Variants in HS3ST5 observed in about 807,000 individuals in gnomAD.
HS3ST5 encodes the protein heparan sulfate glucosamine 3-O-sulfotransferase 5.
Under a neutral mutation model 25.4 loss-of-function variants are expected in HS3ST5, and 10 were observed. That is an observed-to-expected ratio of 0.39 (90% CI 0.24 to 0.67). The LOEUF (loss-of-function observed/expected upper bound fraction) is 0.67, where lower values mean the gene tolerates loss of function less well. Among genes scored for constraint, HS3ST5 ranks in the 30% least tolerant of loss-of-function variants. The pLI, the probability that HS3ST5 is intolerant of heterozygous loss-of-function variation, is 0.44. For synonymous variants in HS3ST5, 170 were observed against 162.4 expected, an observed-to-expected ratio of 1.05 and a Z score of -0.36; for missense variants, 324 against 420.7, an observed-to-expected ratio of 0.77 and a Z score of 2.01.
chr6:114,249,698 A>T (rs1267907541), intron 1 of HS3ST5, among the ~76,000 whole-genome samples: 1 of 152,210 alleles, frequency 6.6e-6, no homozygotes, highest in Non-Finnish European at 1.5e-5. Flanking sequence ...CATTTGGGAC[A>T]GCTCTGGGGA....
At chr6:114,294,950 C>T (rs1458667920) in intron 1 of HS3ST5, among the ~76,000 whole-genome samples, 1 of 152,092 alleles carries the variant, frequency 6.6e-6, no homozygotes, top group Non-Finnish European at 1.5e-5. Flanking sequence ...GATTACAGTT[C>T]TCTTATTGAA....
chr6:114,327,140 G>T (rs1776205319), intron 1 of HS3ST5, among the ~76,000 whole-genome samples: 1 of 152,130 alleles, frequency 6.6e-6, no homozygotes, highest in Non-Finnish European at 1.5e-5. Flanking sequence ...TGCAAACAAT[G>T]ATGACACATT....
At chr6:114,147,452 A>G (rs78727523) in intron 3 of HS3ST5, among the ~76,000 whole-genome samples, 1 of 152,196 alleles carries the variant, frequency 6.6e-6, no homozygotes, top group African/African-American at 2.4e-5. Flanking sequence ...CCTCACTTCA[A>G]CCATGAAGAT....
At chr6:114,148,485 G>C (rs984372179) in intron 3 of HS3ST5, among the ~76,000 whole-genome samples, 3 of 152,134 alleles carry the variant, frequency 2.0e-5, no homozygotes, top group African/African-American at 7.2e-5. Flanking sequence ...ACTGGGTGTG[G>C]TGGCGGACAC....
chr6:114,307,808 T>G (rs1477049587), intron 1 of HS3ST5, among the ~76,000 whole-genome samples: 1 of 152,154 alleles, frequency 6.6e-6, no homozygotes, highest in East Asian at 1.9e-4. Flanking sequence ...GAATTAAAAT[T>G]TCTTATCAAT....
intron 1 of HS3ST5, among the ~76,000 whole-genome samples, chr6:114,264,477 C>A (rs889038340): frequency 1.3e-5 from 2 of 152,136 alleles, no homozygotes; most frequent in African/African-American, 2.4e-5. Flanking sequence ...TATTATATTT[C>A]ATCTTCATCT....
At chr6:114,206,101 C>T (rs186175827) in intron 2 of HS3ST5, among the ~76,000 whole-genome samples, 248 of 152,248 alleles carry the variant, frequency 1.6e-3, no homozygotes, top group African/African-American at 5.6e-3. Context: ...AATTAACAGA[C>T]GAAAAGACAC....
intron 2 of HS3ST5, among the ~76,000 whole-genome samples, chr6:114,198,807 TA>T (rs201514912): frequency 3.9e-5 from 6 of 151,914 alleles, no homozygotes; most frequent in African/African-American, 9.7e-5. Context: ...GTTTTTTTTT[TA>T]ATAAATGCAT....
At chr6:114,307,597 A>T (rs1223620081) in intron 1 of HS3ST5, among the ~76,000 whole-genome samples, 1 of 152,146 alleles carries the variant, frequency 6.6e-6, no homozygotes, top group East Asian at 1.9e-4. Context: ...GTAATGCATA[A>T]CATACGCAAT....
At chr6:114,092,207 T>C (rs1040852267) in intron 3 of HS3ST5, among the ~76,000 whole-genome samples, 1 of 152,230 alleles carries the variant, frequency 6.6e-6, no homozygotes, top group Non-Finnish European at 1.5e-5. Flanking sequence ...GCCCTTACTT[T>C]AGTGACATAA....
At chr6:114,319,101 TTTTA>T (rs1408948448) in intron 1 of HS3ST5, among the ~76,000 whole-genome samples, 12 of 152,126 alleles carry the variant, frequency 7.9e-5, no homozygotes, top group African/African-American at 2.4e-4. Context: ...TGCATCCAAT[TTTTA>T]TTTATGTGGT....
chr6:114,138,627 C>A (rs1777753752), intron 3 of HS3ST5, among the ~76,000 whole-genome samples: 2 of 152,140 alleles, frequency 1.3e-5, no homozygotes, highest in African/African-American at 4.8e-5. Flanking sequence ...GTCCTTTGTA[C>A]CGGACCCATC....
chr6:114,161,521 TTATATATA>T (rs59921019), intron 3 of HS3ST5, among the ~76,000 whole-genome samples: 361 of 33,484 alleles, frequency 0.011, 1 homozygote, highest in Middle Eastern at 0.02. Flanking sequence ...TCCTGAAGTT[TTATATATA>T]TATATATATA....
At chr6:114,318,121 C>T (rs769703386) in intron 1 of HS3ST5, among the ~76,000 whole-genome samples, 7 of 152,120 alleles carry the variant, frequency 4.6e-5, no homozygotes, top group Non-Finnish European at 8.8e-5. Context: ...TTAATCTCCA[C>T]CATTTAACAC....
At chr6:114,138,693 C>T (rs919053407) in intron 3 of HS3ST5, among the ~76,000 whole-genome samples, 3 of 152,312 alleles carry the variant, frequency 2.0e-5, no homozygotes, top group Non-Finnish European at 4.4e-5. Context: ...AACATTTCTT[C>T]AAGCTCCTGC....
intron 1 of HS3ST5, among the ~76,000 whole-genome samples, chr6:114,306,255 A>ATATATATG (rs746045586): frequency 0.13 from 16,122 of 123,560 alleles, 1,182 homozygotes; most frequent in Non-Finnish European, 0.18. Flanking sequence ...ATATATATAT[A>ATATATATG]TACACACACA....
At chr6:114,129,740 G>A (rs573622907) in intron 3 of HS3ST5, among the ~76,000 whole-genome samples, 3 of 152,306 alleles carry the variant, frequency 2.0e-5, no homozygotes, top group South Asian at 2.1e-4. Flanking sequence ...AATTGCAATC[G>A]TGCAAAGATA....
intron 1 of HS3ST5, among the ~76,000 whole-genome samples, chr6:114,312,095 A>C (rs1243973770): frequency 6.6e-6 from 1 of 152,192 alleles, no homozygotes; most frequent in African/African-American, 2.4e-5. Flanking sequence ...GGCAAAACTA[A>C]TACATATATT....
intron 3 of HS3ST5, chr6:114,143,543 T>C (rs1271632250): frequency 6.6e-6 from 1 of 152,188 alleles, no homozygotes; most frequent in East Asian, 1.9e-4. Context: ...TAGAGTCACT[T>C]GTGTCAAACC....
Sources: allele counts gnomAD v4.1 joint callset (sites outside exome capture counted in the v4.1 genomes callset), GRCh38; gene constraint gnomAD v4.1.1; transcripts MANE v1.5; gene names NCBI Gene and HGNC (gene_info 2026-07-23, HGNC 2026-07-21).